EPHA3: variants seen among roughly 807,000 people sequenced by gnomAD.
The protein encoded by EPHA3 is ephrin type-A receptor 3.
Under a neutral mutation model 107.1 loss-of-function variants are expected in EPHA3, and 42 were observed. That is an observed-to-expected ratio of 0.39 (90% CI 0.31 to 0.51). The LOEUF (loss-of-function observed/expected upper bound fraction) is 0.51. EPHA3 is among the 20% of genes least tolerant of loss of function. EPHA3 has a pLI of 0.78. For synonymous variants in EPHA3, 461 were observed against 424.8 expected (o/e 1.09, Z -1.05); for missense variants, 1,183 against 1,211.2 (o/e 0.98, Z 0.35).
At chr3:89,439,043 A>G (rs1270073459) in intron 13 of EPHA3, among the ~76,000 whole-genome samples, 1 of 152,230 alleles carries the variant, frequency 6.6e-6, no homozygotes, top group East Asian at 1.9e-4. Context: ...AAAATGAGGA[A>G]TGCAGGCAGT....
At chr3:89,444,823 G>A (rs887902506) in intron 13 of EPHA3, among the ~76,000 whole-genome samples, 6 of 152,062 alleles carry the variant, frequency 3.9e-5, no homozygotes, top group African/African-American at 1.4e-4. Context: ...TGGTTAGATA[G>A]AAAAGAGATA....
chr3:89,240,319 G>A (rs972200030), intron 3 of EPHA3, among the ~76,000 whole-genome samples: 118 of 151,964 alleles, frequency 7.8e-4, no homozygotes, highest in African/African-American at 2.8e-3. Context: ...CTATTTTATC[G>A]GGAAAAAGCA....
chr3:89,193,718 A>G (rs148358912), intron 2 of EPHA3, among the ~76,000 whole-genome samples: 2,050 of 152,144 alleles, frequency 0.013, 54 homozygotes, highest in African/African-American at 0.047. Context: ...ATTGTCAATT[A>G]AAATAATATT....
At chr3:89,441,359 C>T (rs1213940688) in intron 13 of EPHA3, among the ~76,000 whole-genome samples, 1 of 152,180 alleles carries the variant, frequency 6.6e-6, no homozygotes, top group Non-Finnish European at 1.5e-5. Flanking sequence ...TTTAGATACA[C>T]TCCATATGCT....
At chr3:89,281,963 C>T (rs1705959598) in intron 3 of EPHA3, among the ~76,000 whole-genome samples, 1 of 152,154 alleles carries the variant, frequency 6.6e-6, no homozygotes, top group African/African-American at 2.4e-5. Context: ...GCTGATGTGT[C>T]AGTTTCAATT....
At chr3:89,212,139 C>T (rs13098003) in intron 3 of EPHA3, among the ~76,000 whole-genome samples, 28,742 of 151,360 alleles carry the variant, frequency 0.19, 3,578 homozygotes, top group African/African-American at 0.36. Context: ...TGTGTCATAC[C>T]GTTTACTAGG....
intron 2 of EPHA3, among the ~76,000 whole-genome samples, chr3:89,186,544 T>C (rs570241012): frequency 2.0e-5 from 3 of 152,078 alleles, no homozygotes; most frequent in East Asian, 1.9e-4. Flanking sequence ...TTGAGAAGTA[T>C]TTTCTGATGT....
At chr3:89,207,006 C>G (rs1398276363) in intron 2 of EPHA3, among the ~76,000 whole-genome samples, 1 of 151,768 alleles carries the variant, frequency 6.6e-6, no homozygotes. Flanking sequence ...TATTTTAGAT[C>G]CTGAACGATC....
chr3:89,473,093 G>A (rs543875161), intron 16 of EPHA3, among the ~76,000 whole-genome samples: 2 of 152,138 alleles, frequency 1.3e-5, no homozygotes, highest in Admixed American at 6.5e-5. Context: ...GGTTTTCATA[G>A]TTGCTAAATA....
intron 2 of EPHA3, among the ~76,000 whole-genome samples, chr3:89,197,847 T>C (rs1342022905): frequency 6.6e-6 from 1 of 151,976 alleles, no homozygotes; most frequent in Non-Finnish European, 1.5e-5. Context: ...TGTGGTGGTG[T>C]GTGCCTTAGT....
chr3:89,392,285 G>A (rs1314493668), intron 5 of EPHA3, among the ~76,000 whole-genome samples: 2 of 151,810 alleles, frequency 1.3e-5, no homozygotes, highest in Non-Finnish European at 2.9e-5. Flanking sequence ...CTAAAAATAC[G>A]AAAATTAGCT....
At chr3:89,229,339 A>G (rs954246350) in intron 3 of EPHA3, among the ~76,000 whole-genome samples, 1 of 151,820 alleles carries the variant, frequency 6.6e-6, no homozygotes, top group African/African-American at 2.4e-5. Context: ...ACTATAGAAA[A>G]ACTATTTTTA....
intron 3 of EPHA3, among the ~76,000 whole-genome samples, chr3:89,327,804 C>T (rs549309793): frequency 2.6e-5 from 4 of 151,690 alleles, no homozygotes; most frequent in Non-Finnish European, 5.9e-5. Context: ...CATAGTAGGG[C>T]GTTATATCTG....
At chr3:89,460,689 C>T (rs1195970399) in intron 15 of EPHA3, among the ~76,000 whole-genome samples, 4 of 148,036 alleles carry the variant, frequency 2.7e-5, no homozygotes, top group Non-Finnish European at 6.0e-5. Flanking sequence ...AGACAATCTG[C>T]CTTTATTTCT....
chr3:89,326,552 G>C (rs1707169678), intron 3 of EPHA3, among the ~76,000 whole-genome samples: 1 of 151,860 alleles, frequency 6.6e-6, no homozygotes, highest in South Asian at 2.1e-4. Context: ...ACCACACCCT[G>C]CTAATTTTTG....
intron 3 of EPHA3, among the ~76,000 whole-genome samples, chr3:89,246,594 C>A (rs549645895): frequency 4.6e-5 from 7 of 152,096 alleles, no homozygotes; most frequent in Admixed American, 6.6e-5. Flanking sequence ...TGCCATCATT[C>A]CCATGGGCAA....
chr3:89,297,959 T>C (rs1417296004), intron 3 of EPHA3, among the ~76,000 whole-genome samples: 1 of 152,062 alleles, frequency 6.6e-6, no homozygotes, highest in Admixed American at 6.6e-5. Context: ...CACTTGAACC[T>C]GGGAGGCGGA....
intron 2 of EPHA3, among the ~76,000 whole-genome samples, chr3:89,127,873 AG>A (rs1376420290): frequency 6.6e-6 from 1 of 152,086 alleles, no homozygotes; most frequent in Non-Finnish European, 1.5e-5. Flanking sequence ...CAAATTACAG[AG>A]TGTGTAGCAT....
At chr3:89,243,059 C>A (rs1704945507) in intron 3 of EPHA3, among the ~76,000 whole-genome samples, 1 of 151,992 alleles carries the variant, frequency 6.6e-6, no homozygotes, top group South Asian at 2.1e-4. Flanking sequence ...CCAGCTTCAT[C>A]CATGTCCCTA....
Sources: gnomAD v4.1 joint callset for allele counts (sites outside exome capture counted in the v4.1 genomes callset) on GRCh38, gnomAD v4.1.1 for gene constraint, MANE v1.5 for transcripts, NCBI Gene and HGNC (gene_info 2026-07-23, HGNC 2026-07-21) for gene names.